PSMD11: variants seen among roughly 807,000 people sequenced by gnomAD.
PSMD11 encodes the protein proteasome 26S subunit, non-ATPase 11.
In PSMD11, 5 loss-of-function variants were observed where a neutral mutation model predicts 62.3. The ratio of observed to expected loss-of-function variants is 0.08; its 90% CI spans 0.04 to 0.17. The LOEUF is 0.17. Among genes scored for constraint, PSMD11 ranks in the 10% least tolerant of loss-of-function variants. The pLI is 1.00. For synonymous variants in PSMD11, 191 were observed against 191.8 expected (o/e 1.00, Z 0.03); for missense variants, 310 against 512.9 (o/e 0.60, Z 3.82).
intron 3 of PSMD11, among the ~76,000 whole-genome samples, chr17:32,460,869 G>A (rs71377439): frequency 5.3e-5 from 8 of 152,014 alleles, no homozygotes; most frequent in Admixed American, 5.2e-4. Context: ...TTGGAGCCTA[G>A]AAAGTGAGGG....
At chr17:32,454,793 C>A in intron 3 of PSMD11, 174 bp downstream of exon 3, 1 of 623,112 alleles carries the variant, frequency 1.6e-6, no homozygotes. Flanking sequence ...GGGTCTGTTC[C>A]ATGCTTTGCT....
At chr17:32,479,107 T>C (rs978418105) in intron 9 of PSMD11, 144 bp from the exon 10 acceptor site, 15 of 1,131,672 alleles carry the variant, frequency 1.3e-5, no homozygotes, top group Admixed American at 2.4e-5. Context: ...CTTTTCTGCT[T>C]TGTATCATGC....
chr17:32,458,431 T>A (rs1378027884), intron 3 of PSMD11, among the ~76,000 whole-genome samples: 3 of 152,234 alleles, frequency 2.0e-5, no homozygotes, highest in Admixed American at 2.0e-4. Context: ...ATGCTGTACC[T>A]TTCTCTTCCA....
chr17:32,452,383 A>T (rs1230708001), intron 2 of PSMD11, among the ~76,000 whole-genome samples: 1 of 152,208 alleles, frequency 6.6e-6, no homozygotes, highest in East Asian at 1.9e-4. Flanking sequence ...CATGTTAATA[A>T]ATGGATCATT....
chr17:32,479,621 T>C (rs1415338373), intron 10 of PSMD11: 1 of 700,240 alleles, frequency 1.4e-6, no homozygotes, highest in Middle Eastern at 2.6e-4. Context: ...AGTCACTGCA[T>C]GTGTTGTACC....
intron 8 of PSMD11, 43 bp from the exon 9 acceptor site, chr17:32,477,478 G>C (rs1382000786): frequency 6.6e-7 from 1 of 1,524,326 alleles, no homozygotes; most frequent in African/African-American, 1.4e-5. Flanking sequence ...AAATGTTAGT[G>C]TGCAGAATAA....
intron 5 of PSMD11, among the ~76,000 whole-genome samples, chr17:32,465,573 T>G (rs191509372): frequency 1.3e-5 from 2 of 152,306 alleles, no homozygotes; most frequent in East Asian, 3.9e-4. Context: ...AAAAAATAAC[T>G]TTAATAAGAT....
At chr17:32,448,261 T>C (rs143413144) in intron 2 of PSMD11, among the ~76,000 whole-genome samples, 9 of 152,268 alleles carry the variant, frequency 5.9e-5, no homozygotes, top group South Asian at 2.1e-4. Context: ...TATGAAATTG[T>C]GAGGATGTGT....
In PSMD11 at chr17:32,468,976, G is replaced by GAGAATGTC. The variant is rs1468883436; in HGVS notation, c.449-22_449-15dup. 34 of 1,608,604 alleles carry GAGAATGTC rather than the reference G, an allele frequency of 2.1e-5. No homozygotes were observed. The Middle Eastern group carries it at 4.1e-3, about 196-fold the overall frequency. The stretch of plus-strand genomic sequence containing the variant: ...AGGTATTAAGCTGATGGCTATAAAG[G>GAGAATGTC]AGAATGTCTTTTCCTTTTTCAGGTT... On this transcript the variant is annotated intron_variant, in intron 5 of 13. Coordinates refer to ENST00000261712, the MANE Select transcript of PSMD11 (RefSeq NM_002815.4).
At chr17:32,444,882 G>T in intron 1 of PSMD11, 1 of 523,274 alleles carries the variant, frequency 1.9e-6, no homozygotes, top group Admixed American at 3.8e-5. Context: ...GGGCCGAGCC[G>T]GGCCCCCGGG....
At chr17:32,471,946 T>C (rs1340379255) in intron 6 of PSMD11, among the ~76,000 whole-genome samples, 1 of 151,942 alleles carries the variant, frequency 6.6e-6, no homozygotes, top group Non-Finnish European at 1.5e-5. Flanking sequence ...ACAGCTCCCA[T>C]CGCTATCATC....
rs149150849 is a variant in PSMD11, at chr17:32,474,641, G to A, written c.789-123G>A. ...ATGGGCATATGGGTTTAGGGGTTGG[G>A]CTGATTGTCTGTGTGGGCAGAGTCT... is the stretch of plus-strand genomic sequence containing the variant. On this transcript the variant is annotated intron_variant, in intron 7 of 13. Transcript: ENST00000261712. 5,045 of 933,188 alleles carry A rather than the reference G, an allele frequency of 5.4e-3. 27 individuals carry two copies. The highest frequency in any genetic ancestry group is 8.5e-3 in the Middle Eastern group (40 of 4,710). The allele number at this position is 933,188 out of a possible 1,614,324, so 57.8% of individuals were successfully genotyped here. A position where few individuals can be genotyped will look rare whatever the true frequency, so the allele number is the denominator to read the frequency against.
chr17:32,473,758 C>G (rs1908241134), intron 6 of PSMD11, 43 bp from the exon 7 acceptor site: 1 of 1,602,618 alleles, frequency 6.2e-7, no homozygotes. Context: ...TTTTATGGCT[C>G]TATTATTTTA....
Position 32,451,461 on chromosome 17 carries a change from A to G in PSMD11, c.194-3034A>G, listed in dbSNP as rs192611514. Among the ~76,000 whole-genome samples, 266 of 152,380 alleles carry G rather than the reference A, an allele frequency of 1.7e-3. 1 individual carries two copies. Among genetic ancestry groups the G allele is most frequent in the African/African-American group, 6.1e-3 (253 of 41,594 alleles). ...AAATAGTTTTAGCAGATATAACTAT[A>G]GAGCCATATATTATTCTGAGAAAAA... On this transcript the variant is annotated intron_variant, in intron 2 of 13. Transcript: ENST00000261712.
chr17:32,463,761 T>C (rs1005267670), intron 3 of PSMD11, among the ~76,000 whole-genome samples: 1 of 152,244 alleles, frequency 6.6e-6, no homozygotes, highest in Non-Finnish European at 1.5e-5. Context: ...TCCAGGTCTA[T>C]ACATGTTGTT....
At chr17:32,449,217 C>A (rs995266762) in intron 2 of PSMD11, among the ~76,000 whole-genome samples, 3 of 152,052 alleles carry the variant, frequency 2.0e-5, no homozygotes, top group African/African-American at 7.2e-5. Context: ...CCAGCTCTGG[C>A]AACATAATGA....
In PSMD11 at chr17:32,446,985, A is replaced by G. The variant is rs750032866; in HGVS notation, c.132A>G (p.Gln44=). ...AGGAAAACGATGAAGAGGCAGTGCA[A>G]GTCAAAGAGCAGAGCATCCTGGAAC... ...DIQENDEEAV[Q]VKEQSILELG... Residue 44 remains glutamine (Q), a synonymous_variant, in exon 2 of 14, where the codon CAA becomes CAG. Transcript: ENST00000261712. The G allele has an allele frequency of 1.7e-5, 27 of 1,613,266 alleles. No individual in the cohort carries two copies. Among genetic ancestry groups the G allele is most frequent in the Non-Finnish European group, 2.2e-5 (26 of 1,179,720 alleles).
chr17:32,477,667 T>C, intron 9 of PSMD11, 84 bp downstream of exon 9: 1 of 1,281,940 alleles, frequency 7.8e-7, no homozygotes, highest in Non-Finnish European at 1.1e-6. Context: ...TAAAAATAAT[T>C]ATAGTTTCAA....
rs189491548 is a variant in PSMD11 at position 32,447,943 on chromosome 17, C to T, written c.193+897C>T. 4.9e-4 allele frequency among the ~76,000 whole-genome samples: 73 copies of T among 148,364 alleles called. 1 individual carries two copies. Among genetic ancestry groups the T allele is most frequent in the Admixed American group, 4.4e-3 (64 of 14,680 alleles). ...TCACCCGGGTTGGAGTGCAGTGGTG[C>T]GATCTTGGCTCACTGCAACCTCCGC... On this transcript the variant is annotated intron_variant, in intron 2 of 13. Coordinates refer to ENST00000261712, the MANE Select transcript of PSMD11 (RefSeq NM_002815.4).
Sources: gnomAD v4.1 joint callset for allele counts (sites outside exome capture counted in the v4.1 genomes callset) on GRCh38, gnomAD v4.1.1 for gene constraint, MANE v1.5 for transcripts, NCBI Gene and HGNC (gene_info 2026-07-23, HGNC 2026-07-21) for gene names.